Variants in SVIL observed in about 807,000 individuals in gnomAD.
SVIL encodes the protein archvillin.
SVIL carries 101 observed loss-of-function variants against 240.4 expected under a neutral mutation model. The ratio of observed to expected loss-of-function variants is 0.42; its 90% CI spans 0.36 to 0.50. The LOEUF (loss-of-function observed/expected upper bound fraction) is 0.50, where lower values mean the gene tolerates loss of function less well. SVIL is among the 20% of genes least tolerant of loss of function. The probability of loss-of-function intolerance (pLI) is 0.01; values close to 1 mark genes in which losing one functional copy is unlikely to be tolerated. For missense variants in SVIL, 2,512 were observed against 2,818.7 expected (o/e 0.89, Z 2.46); for synonymous variants, 999 against 1,100.0 (o/e 0.91, Z 1.82).
intron 3 of SVIL, among the ~76,000 whole-genome samples, chr10:29,560,033 T>C: frequency 6.6e-6 from 1 of 152,196 alleles, no homozygotes; most frequent in East Asian, 1.9e-4. Flanking sequence ...TACAGTAGAA[T>C]CTTCCAAAGA....
chr10:29,521,014 G>A (rs1230093326), intron 16 of SVIL, among the ~76,000 whole-genome samples: 1 of 151,826 alleles, frequency 6.6e-6, no homozygotes, highest in Non-Finnish European at 1.5e-5. Context: ...AGGAGGTCAG[G>A]AGATCGAGAT....
chr10:29,674,456 T>C (rs1468775918), intron 2 of SVIL, among the ~76,000 whole-genome samples: 5 of 152,174 alleles, frequency 3.3e-5, no homozygotes, highest in African/African-American at 1.2e-4. Context: ...GCAATAAAGT[T>C]CCTGGCCTTA....
intron 6 of SVIL, among the ~76,000 whole-genome samples, chr10:29,547,565 C>T (rs1952801929): frequency 6.6e-6 from 1 of 152,080 alleles, no homozygotes; most frequent in South Asian, 2.1e-4. Context: ...TTATTACAGG[C>T]CTAAATATGT....
intron 12 of SVIL, among the ~76,000 whole-genome samples, chr10:29,529,175 C>CAAAAAAAAAAAAAA (rs66523560): frequency 7.6e-4 from 50 of 66,046 alleles, no homozygotes; most frequent in South Asian, 1.4e-3. Context: ...GACTCTCTCT[C>CAAAAAAAAAAAAAA]AAAAAAAAAA....
intron 2 of SVIL, among the ~76,000 whole-genome samples, chr10:29,660,843 C>A (rs545054493): frequency 6.6e-6 from 1 of 152,228 alleles, no homozygotes; most frequent in South Asian, 2.1e-4. Context: ...GCAGTGAAAT[C>A]ATGAGCTCAG....
At chr10:29,572,763 C>CAAAAAAAAAAAAAAAAAAAA (rs375180538) in intron 1 of SVIL, among the ~76,000 whole-genome samples, 2 of 81,292 alleles carry the variant, frequency 2.5e-5, no homozygotes, top group Non-Finnish European at 4.7e-5. Flanking sequence ...GATCCTATCT[C>CAAAAAAAAAAAAAAAAAAAA]AAAAAAAAAA....
chr10:29,495,457 C>T (rs74130777), intron 18 of SVIL, among the ~76,000 whole-genome samples: 1,818 of 152,270 alleles, frequency 0.012, 29 homozygotes, highest in African/African-American at 0.039. Flanking sequence ...GTCCATGACA[C>T]GTTAACTTGG....
intron 30 of SVIL, among the ~76,000 whole-genome samples, chr10:29,472,207 A>AG (rs1945661810): frequency 6.6e-6 from 1 of 152,270 alleles, no homozygotes; most frequent in Non-Finnish European, 1.5e-5. Context: ...CAAAACTCTG[A>AG]GGATGATTTT....
intron 17 of SVIL, among the ~76,000 whole-genome samples, chr10:29,509,095 TG>T (rs1476754230): frequency 2.0e-5 from 3 of 152,172 alleles, no homozygotes. Flanking sequence ...TGGAGGAAAG[TG>T]TACACAAGCC....
intron 1 of SVIL, among the ~76,000 whole-genome samples, chr10:29,721,579 G>A (rs528836836): frequency 6.6e-6 from 1 of 151,192 alleles, no homozygotes; most frequent in South Asian, 2.1e-4. Flanking sequence ...ATAACAAGTA[G>A]AATTTACAGC....
chr10:29,735,202 A>G lies in SVIL; in HGVS notation c.-400+549T>C, dbSNP rs1307657916. Among the ~76,000 whole-genome samples the G allele has an allele frequency of 6.6e-6, 1 of 152,088 alleles. No homozygotes were observed. On this transcript the variant is annotated intron_variant, in intron 1 of 35. Coordinates refer to the SVIL transcript ENST00000375400. The surrounding 1 kb of genome is among the most constrained non-coding windows in gnomAD (Gnocchi z 4.1). ...GCTGGGGTGGCCTGGCGCACCACGC[A>G]TCGGGTTCAAACCCGCGCGGGCCCT...
intron 2 of SVIL, among the ~76,000 whole-genome samples, chr10:29,667,550 G>T (rs1412887622): frequency 6.6e-6 from 1 of 152,032 alleles, no homozygotes; most frequent in African/African-American, 2.4e-5. Context: ...CAATGGTATG[G>T]TCTTCTCAAA....
intron 30 of SVIL, 26 bp downstream of exon 30, chr10:29,473,812 G>A (rs370427099): frequency 3.0e-5 from 49 of 1,613,276 alleles, no homozygotes; most frequent in African/African-American, 1.3e-4. Context: ...CTCAGTCCCC[G>A]GGGTGCAGAG....
chr10:29,717,108 C>T (rs1963661282), intron 1 of SVIL, among the ~76,000 whole-genome samples: 1 of 151,856 alleles, frequency 6.6e-6, no homozygotes, highest in Non-Finnish European at 1.5e-5. Context: ...TGGGGGGCCC[C>T]TGTGGTCCCA....
chr10:29,549,050 A>C lies in SVIL; in HGVS notation c.827+1547T>G, dbSNP rs998153108. On this transcript the variant is annotated intron_variant, in intron 6 of 37. Coordinates refer to ENST00000355867, the MANE Select transcript of SVIL (RefSeq NM_021738.3). ...TTAAACTAAAGAGCTTCTGCACAGC[A>C]AAAGAAACTACCATCAGAGTGAACA... is the stretch of plus-strand genomic sequence containing the variant. Among the ~76,000 whole-genome samples the C allele has an allele frequency of 4.6e-5, 7 of 151,834 alleles. No individual in the cohort carries two copies. The South Asian group carries it at 1.4e-3, about 31-fold the overall frequency.
rs577261116 is a variant in SVIL at position 29,513,140 on chromosome 10, G to A, written c.3390-279C>T. 2.4e-4 allele frequency among the ~76,000 whole-genome samples: 37 copies of A among 152,336 alleles called. No homozygotes were observed. The East Asian group carries it at 6.0e-3, about 25-fold the overall frequency. On this transcript the variant is annotated intron_variant, in intron 16 of 37. Transcript: ENST00000355867. ...ACCATCATTCCAGCCAAGGATGTCT[G>A]TTCCTTGGCCTTGGGCTGAAAGCAA...
intron 3 of SVIL, among the ~76,000 whole-genome samples, chr10:29,556,083 TGC>T (rs1953906862): frequency 1.3e-5 from 2 of 152,334 alleles, no homozygotes; most frequent in South Asian, 4.1e-4. Context: ...ACAAACGCTG[TGC>T]TGAGGTTGGG....
In SVIL at chr10:29,473,197, G is replaced by A. The variant is rs191656366; in HGVS notation, c.5529+641C>T. On this transcript the variant is annotated intron_variant, in intron 30 of 37. Coordinates refer to ENST00000355867, the MANE Select transcript of SVIL (RefSeq NM_021738.3). ...GAAGGTGCTGGAGCCCTGGGAAGCC[G>A]CTTAGACTGCAGTGTGTGTGGCAGA... 1.1e-4 allele frequency among the ~76,000 whole-genome samples: 16 copies of A among 152,176 alleles called. No homozygotes were observed. In the East Asian group the frequency reaches 2.7e-3, roughly 26 times the overall value.
At chr10:29,531,617 TACA>T (rs1450580685) in intron 9 of SVIL, among the ~76,000 whole-genome samples, 2 of 152,200 alleles carry the variant, frequency 1.3e-5, no homozygotes, top group South Asian at 2.1e-4. Context: ...AAAACTCAAA[TACA>T]ACAAGTAGAT....
Sources: allele counts gnomAD v4.1 joint callset (sites outside exome capture counted in the v4.1 genomes callset), GRCh38; gene constraint gnomAD v4.1.1; non-coding constraint Gnocchi (gnomAD v3.1); transcripts MANE v1.5; gene names NCBI Gene and HGNC (gene_info 2026-07-23, HGNC 2026-07-21).